POLR3C: variants seen among roughly 807,000 people sequenced by gnomAD.
POLR3C encodes DNA-directed RNA polymerase III subunit RPC3.
A neutral mutation model predicts 65.9 loss-of-function variants in POLR3C; 44 were observed. The ratio of observed to expected loss-of-function variants is 0.67; its 90% confidence interval spans 0.52 to 0.86. The LOEUF (loss-of-function observed/expected upper bound fraction) is 0.86, where lower values mean the gene tolerates loss of function less well. Among genes scored for constraint, POLR3C ranks in the 40% least tolerant of loss-of-function variants. The probability of loss-of-function intolerance (pLI) is 0.00; values close to 1 mark genes in which losing one functional copy is unlikely to be tolerated. For synonymous variants in POLR3C, 263 were observed against 231.6 expected, an observed-to-expected ratio of 1.14 and a Z score of -1.23; for missense variants, 576 against 653.2, an observed-to-expected ratio of 0.88 and a Z score of 1.29.
In POLR3C at chr1:145,840,550, AT is replaced by A. The variant is rs1158522022; in HGVS notation, c.1374-362del. 298 of 239,330 alleles carry A rather than the reference AT, an allele frequency of 1.2e-3. 1 individual carries two copies. The highest frequency in any genetic ancestry group is 1.6e-3 in the Non-Finnish European group (197 of 122,946). The allele number at this position is 239,330 out of a possible 1,614,324, so 14.8% of individuals were successfully genotyped here. A position where few individuals can be genotyped will look rare whatever the true frequency, so the allele number is the denominator to read the frequency against. ...GTGAGACTCCATCTCAAAAAAAAAA[AT>A]TTTTTTTTTGAGAAGTAGGAACCAG... On this transcript the variant is annotated intron_variant, in intron 13 of 14. Transcript: ENST00000334163.
intron 2 of POLR3C, 57 bp downstream of exon 2, chr1:145,825,980 C>A: frequency 7.3e-7 from 1 of 1,372,800 alleles, no homozygotes; most frequent in Non-Finnish European, 1.0e-6. Context: ...ATTTCACCCA[C>A]CTTTGAATAT....
chr1:145,837,567 A>T lies in POLR3C; in HGVS notation c.1041A>T (p.Thr347=). 1.9e-6 allele frequency: 3 copies of T among 1,608,160 alleles called. No homozygotes were observed. The highest frequency in any genetic ancestry group is 2.5e-6 in the Non-Finnish European group (3 of 1,176,732). Residue 347 remains threonine (T), a synonymous_variant, in exon 10 of 15, where the codon ACA becomes ACT. Transcript: ENST00000334163. ...ATAAGGCATTAGCATCCCTAGCCAC[A>T]GCCACTCTGGAGTCCGTCGTACAGG... ...NLHKALASLA[T]ATLESVVQER... is the part of the protein sequence containing the mutation.
Position 145,837,604 on chromosome 1 carries a change from G to A in POLR3C, c.1070+8G>A, listed in dbSNP as rs1651957104. The A allele has an allele frequency of 1.9e-6, 3 of 1,596,040 alleles. No individual in the cohort carries two copies. The highest frequency in any genetic ancestry group is 2.2e-5 in the South Asian group (2 of 90,496). On this transcript the variant is annotated splice_region_variant and intron_variant, in intron 10 of 14. Coordinates refer to ENST00000334163, the MANE Select transcript of POLR3C (RefSeq NM_006468.8). ...GTCCGTCGTACAGGAGAGGTAAGGGGGACACTGGTTGGGTTTGGGATCACA... is the reference window on the plus strand; with the variant it reads ...GTCCGTCGTACAGGAGAGGTAAGGGAGACACTGGTTGGGTTTGGGATCACA...
At position 145,825,837 on chromosome 1, in the gene POLR3C, G is replaced by A. The variant is rs1553725625; in HGVS notation, c.61G>A (p.Val21Ile). ...LLLQEHFGEI[V>I]EKIGVHLIRT... ...GCTGCAAGAGCATTTTGGAGAGATT[G>A]TAGAAAAAATTGGAGTCCATCTGAT... The change falls in exon 2 of 15, where the codon GTA becomes ATA. Residue 21 changes from valine (V) to isoleucine (I), a missense_variant. By Grantham distance (29) the Val-to-Ile change is conservative. Transcript: ENST00000334163. 2 of 1,613,310 alleles carry A rather than the reference G, an allele frequency of 1.2e-6. No individual in the cohort carries two copies. Among genetic ancestry groups the A allele is most frequent in the East Asian group, 2.2e-5 (1 of 44,878 alleles).
intron 1 of POLR3C, among the ~76,000 whole-genome samples, chr1:145,825,219 C>T (rs919864236): frequency 1.3e-5 from 2 of 152,126 alleles, no homozygotes; most frequent in Non-Finnish European, 2.9e-5. Context: ...AGCGATTCTC[C>T]TGTCTCAGCC....
At chr1:145,827,513 A>G (rs1553726138) in intron 4 of POLR3C, among the ~76,000 whole-genome samples, 2 of 151,622 alleles carry the variant, frequency 1.3e-5, no homozygotes, top group South Asian at 2.1e-4. Flanking sequence ...TAATCCCAGC[A>G]CTTTGGGAGG....
At chr1:145,827,127 A>T (rs1053087574) in intron 4 of POLR3C, 122 bp downstream of exon 4, 1 of 817,122 alleles carries the variant, frequency 1.2e-6, no homozygotes, top group African/African-American at 1.7e-5. Context: ...ATCGTGGTGT[A>T]TAACAATGAA....
At chr1:145,826,784 G>C (rs782285660) in intron 3 of POLR3C, 36 bp from the exon 4 acceptor site, 1 of 1,604,560 alleles carries the variant, frequency 6.2e-7, no homozygotes, top group Admixed American at 1.7e-5. Flanking sequence ...AGCTATCTTA[G>C]GCCATCTCAT....
intron 7 of POLR3C, 125 bp from the exon 8 acceptor site, chr1:145,836,369 C>T (rs1322397476): frequency 4.4e-6 from 3 of 675,992 alleles, no homozygotes; most frequent in Admixed American, 4.7e-5. Flanking sequence ...ATCCACCTGC[C>T]TCAGCCTCCC....
At chr1:145,831,232 G>A (rs1651284625) in intron 5 of POLR3C, among the ~76,000 whole-genome samples, 1 of 152,150 alleles carries the variant, frequency 6.6e-6, no homozygotes, top group African/African-American at 2.4e-5. Context: ...GAGAGTTCCA[G>A]GATAGGCCGG....
At chr1:145,824,738 G>A (rs1650557072) in intron 1 of POLR3C, among the ~76,000 whole-genome samples, 1 of 152,150 alleles carries the variant, frequency 6.6e-6, no homozygotes, top group Admixed American at 6.5e-5. Flanking sequence ...ATACTGTCCT[G>A]CAAACAACGT....
At chr1:145,827,779 A>AAT (rs1491254351) in intron 4 of POLR3C, among the ~76,000 whole-genome samples, 3,044 of 143,022 alleles carry the variant, frequency 0.021, 203 homozygotes, top group African/African-American at 0.079. Context: ...AAAAAAAAAA[A>AAT]TAGCCAGGTA....
At chr1:145,838,238 C>A in intron 11 of POLR3C, 32 bp downstream of exon 11, 1 of 1,596,992 alleles carries the variant, frequency 6.3e-7, no homozygotes, top group Non-Finnish European at 8.6e-7. Context: ...AATTGCCAAC[C>A]AGCAAAGCTG....
At position 145,842,956 on chromosome 1, in the gene POLR3C, G is replaced by A. The variant is rs1309844153; in HGVS notation, c.*536G>A. Reference sequence around the variant, plus strand: ...GCCTCTGGAGTAGCTGGGACTACAGGCATGCACCACACATACCCAGCTATT... The same window carrying A: ...GCCTCTGGAGTAGCTGGGACTACAGACATGCACCACACATACCCAGCTATT... On this transcript the variant is annotated 3_prime_UTR_variant, in exon 15 of 15. Transcript: ENST00000334163. Among the ~76,000 whole-genome samples, 3 of 152,046 alleles carry A rather than the reference G, an allele frequency of 2.0e-5. No individual in the cohort carries two copies. The highest frequency in any genetic ancestry group is 4.4e-5 in the Non-Finnish European group (3 of 68,008).
rs1553729328 is a variant in POLR3C, at chr1:145,838,120, C to T, written c.1135C>T (p.Gln379Ter). The change falls in exon 11 of 15, where the codon CAA becomes TAA. Residue 379 changes from glutamine to a stop codon, truncating the protein, a stop_gained. Transcript: ENST00000334163. LOFTEE classifies it high-confidence loss of function. ...VLQKKHIEQK[Q>*]VEDFAMIPAK... The stretch of plus-strand genomic sequence containing the variant: ...GCAGAAGAAACACATAGAGCAGAAG[C>T]AAGTGGAAGACTTTGCAATGATTCC... 2 of 1,613,368 alleles carry T rather than the reference C, an allele frequency of 1.2e-6. No individual in the cohort carries two copies. Among genetic ancestry groups the T allele is most frequent in the Non-Finnish European group, 1.7e-6 (2 of 1,179,282 alleles).
chr1:145,841,616 G>C (rs587614389), intron 14 of POLR3C, among the ~76,000 whole-genome samples: 1 of 152,156 alleles, frequency 6.6e-6, no homozygotes, highest in East Asian at 1.9e-4. Context: ...ATTGTTCATT[G>C]CTAGTGTTAT....
intron 14 of POLR3C, among the ~76,000 whole-genome samples, chr1:145,841,588 C>T (rs1349451519): frequency 5.3e-5 from 8 of 152,084 alleles, no homozygotes; most frequent in African/African-American, 1.7e-4. Flanking sequence ...GTTTAGTGGT[C>T]GCTTATTTCA....
chr1:145,840,334 G>GT, intron 13 of POLR3C, 169 bp downstream of exon 13: 1 of 583,412 alleles, frequency 1.7e-6, no homozygotes, highest in Non-Finnish European at 3.1e-6. Flanking sequence ...GAGGTCAGGA[G>GT]TTTGAGACCA....
chr1:145,833,665 G>A (rs1254529876), intron 7 of POLR3C, 83 bp downstream of exon 7: 3 of 923,262 alleles, frequency 3.2e-6, no homozygotes, highest in Admixed American at 1.7e-5. Flanking sequence ...CTGAGTTTGG[G>A]TTGAGGTCTG....
Sources: gnomAD v4.1 joint callset for allele counts (sites outside exome capture counted in the v4.1 genomes callset) on GRCh38, gnomAD v4.1.1 for gene constraint, MANE v1.5 for transcripts, NCBI Gene and HGNC (gene_info 2026-07-23, HGNC 2026-07-21) for gene names.